RPH3A: variants seen among roughly 807,000 people sequenced by gnomAD.
RPH3A encodes rabphilin-3A.
A neutral mutation model predicts 102.2 loss-of-function variants in RPH3A; 48 were observed. The observed-to-expected ratio is 0.47, with a 90% CI of 0.37 to 0.60. The LOEUF (loss-of-function observed/expected upper bound fraction) is 0.60, where lower values mean the gene tolerates loss of function less well. Among genes scored for constraint, RPH3A ranks in the 20% least tolerant of loss-of-function variants. RPH3A has a pLI of 0.00. For missense variants in RPH3A, 781 were observed against 910.1 expected, an observed-to-expected ratio of 0.86 and a Z score of 1.83; for synonymous variants, 310 against 324.3, an observed-to-expected ratio of 0.96 and a Z score of 0.47.
intron 1 of RPH3A, among the ~76,000 whole-genome samples, chr12:112,713,561 G>T (rs2040495030): frequency 7.8e-6 from 1 of 128,952 alleles, no homozygotes; most frequent in Non-Finnish European, 1.7e-5. Flanking sequence ...CACAAGATTT[G>T]CAGGAAAAAA....
intron 1 of RPH3A, among the ~76,000 whole-genome samples, chr12:112,612,700 G>A (rs758093647): frequency 2.2e-4 from 34 of 151,696 alleles, no homozygotes; most frequent in Non-Finnish European, 4.3e-4. Flanking sequence ...GAGCAGCTGG[G>A]ACTACAGGTG....
intron 1 of RPH3A, among the ~76,000 whole-genome samples, chr12:112,725,796 G>C (rs919247642): frequency 1.3e-5 from 2 of 150,936 alleles, no homozygotes; most frequent in Non-Finnish European, 2.9e-5. Context: ...TGTTGTTGTT[G>C]TTGTTGTTGT....
chr12:112,753,304 C>T (rs1164196104), intron 1 of RPH3A, among the ~76,000 whole-genome samples: 2 of 152,216 alleles, frequency 1.3e-5, no homozygotes, highest in Non-Finnish European at 2.9e-5. Context: ...CAAATCCTAT[C>T]CATTCAATCA....
chr12:112,713,038 T>C lies in RPH3A; in HGVS notation c.-139-79105T>C, dbSNP rs866175901. Among the ~76,000 whole-genome samples, 84 of 82,936 alleles carry C rather than the reference T, an allele frequency of 1.0e-3. 3 individuals are homozygous for C. The highest frequency in any genetic ancestry group is 1.3e-3 in the African/African-American group (21 of 16,590). The allele number at this position is 82,936 out of a possible 152,430, so 54.4% of individuals were successfully genotyped here. On this transcript the variant is annotated intron_variant, in intron 1 of 21. Coordinates refer to the RPH3A transcript ENST00000543106. Reference sequence around the variant, plus strand: ...CTTCCTCTTCCTCTTCTTCTTCTTCTTCTTCTTCTTCTCCTTCTTCTTCTT... The same window carrying C: ...CTTCCTCTTCCTCTTCTTCTTCTTCCTCTTCTTCTTCTCCTTCTTCTTCTT...
Position 112,869,942 on chromosome 12 carries a change from G to A in RPH3A, c.699G>A (p.Val233=). Residue 233 remains valine (V), a synonymous_variant, in exon 10 of 22, where the codon GTG becomes GTA. Transcript: ENST00000389385. ...GGCGAGGAAACTATGGGCCTCCCGT[G>A]CGCAGGGCCTCCGAGGCACGAATGA... is the stretch of plus-strand genomic sequence containing the variant. ...APGRGNYGPP[V]RRASEARMSS... 1 of 1,614,158 alleles carries A rather than the reference G, an allele frequency of 6.2e-7. No homozygotes were observed.
intron 1 of RPH3A, among the ~76,000 whole-genome samples, chr12:112,676,513 A>G (rs757430621): frequency 2.5e-4 from 38 of 152,234 alleles, no homozygotes; most frequent in Non-Finnish European, 5.1e-4. Flanking sequence ...CTTGATTTCA[A>G]AATTGGATTC....
At chr12:112,795,927 A>G (rs1369225555) in intron 2 of RPH3A, among the ~76,000 whole-genome samples, 1 of 152,214 alleles carries the variant, frequency 6.6e-6, no homozygotes, top group African/African-American at 2.4e-5. Context: ...CCCCTGACCA[A>G]AACAAAAGTA....
intron 1 of RPH3A, among the ~76,000 whole-genome samples, chr12:112,591,291 A>G (rs1335197821): frequency 1.3e-5 from 2 of 148,690 alleles, no homozygotes; most frequent in Admixed American, 1.3e-4. Context: ...TTACTATGTT[A>G]CCCAGGCTGG....
chr12:112,870,324 A>AG (rs1231047804), intron 10 of RPH3A, among the ~76,000 whole-genome samples: 3 of 151,744 alleles, frequency 2.0e-5, no homozygotes, highest in Admixed American at 2.0e-4. Context: ...AAAAAAAAAA[A>AG]AAAAACCCTG....
chr12:112,855,542 A>G (rs2042396843), intron 5 of RPH3A, among the ~76,000 whole-genome samples: 1 of 152,198 alleles, frequency 6.6e-6, no homozygotes, highest in Non-Finnish European at 1.5e-5. Flanking sequence ...CAGTCCCTCA[A>G]GGAGACAGAT....
Position 112,681,364 on chromosome 12 carries a change from G to A in RPH3A, c.-140+106045G>A, listed in dbSNP as rs542957897. Among the ~76,000 whole-genome samples the A allele has an allele frequency of 1.3e-5, 2 of 152,316 alleles. 1 individual carries two copies. Among genetic ancestry groups the A allele is most frequent in the African/African-American group, 4.8e-5 (2 of 41,554 alleles). ...ATTCTCACCCAGCAGCCAAGAAGCT[G>A]AAACACACACATCGGATTGCTTTAA... is the stretch of plus-strand genomic sequence containing the variant. On this transcript the variant is annotated intron_variant, in intron 1 of 21. Transcript: ENST00000543106.
chr12:112,616,293 C>T (rs1197668672), intron 1 of RPH3A, among the ~76,000 whole-genome samples: 1 of 152,112 alleles, frequency 6.6e-6, no homozygotes, highest in African/African-American at 2.4e-5. Flanking sequence ...ATTACAGGCA[C>T]CTGCCACCAT....
At chr12:112,863,800 G>A (rs191170704) in intron 5 of RPH3A, among the ~76,000 whole-genome samples, 2 of 152,376 alleles carry the variant, frequency 1.3e-5, no homozygotes, top group Admixed American at 1.3e-4. Flanking sequence ...TGAAGTGTAA[G>A]CTGTTATTAT....
intron 4 of RPH3A, among the ~76,000 whole-genome samples, chr12:112,836,918 A>G (rs2042060930): frequency 6.6e-6 from 1 of 152,238 alleles, no homozygotes; most frequent in Admixed American, 6.5e-5. Flanking sequence ...CTGGATTGTT[A>G]TGTGCTGTAC....
intron 1 of RPH3A, among the ~76,000 whole-genome samples, chr12:112,636,302 T>G (rs930702544): frequency 6.6e-6 from 1 of 152,206 alleles, no homozygotes; most frequent in African/African-American, 2.4e-5. Context: ...TCTACTCACA[T>G]TTTATTGGCC....
intron 1 of RPH3A, among the ~76,000 whole-genome samples, chr12:112,751,046 A>G (rs763073623): frequency 6.6e-6 from 1 of 152,262 alleles, no homozygotes; most frequent in Non-Finnish European, 1.5e-5. Flanking sequence ...TGGTCTCACC[A>G]GTGAGCTGCT....
At chr12:112,834,411 A>G (rs1010041791) in intron 3 of RPH3A, among the ~76,000 whole-genome samples, 1 of 152,238 alleles carries the variant, frequency 6.6e-6, no homozygotes, top group South Asian at 2.1e-4. Context: ...GGCTAGTACA[A>G]ATAAAACTTT....
At chr12:112,741,088 C>T (rs1198582256) in intron 1 of RPH3A, among the ~76,000 whole-genome samples, 1 of 152,144 alleles carries the variant, frequency 6.6e-6, no homozygotes, top group Non-Finnish European at 1.5e-5. Context: ...CATTGCCCAC[C>T]CCCTGCCTCA....
At position 112,868,319 on chromosome 12, in the gene RPH3A, A is replaced by G. The variant is rs575506597; in HGVS notation, c.445-111A>G. ...TAGTAATAATAAAAGTGTGCTGGCT[A>G]TTGTGTCAGTGTGCTTTGGATGAGG... On this transcript the variant is annotated intron_variant, in intron 7 of 21. Transcript: ENST00000389385. 1,048 of 1,055,150 alleles carry G rather than the reference A, an allele frequency of 9.9e-4. 1 individual carries two copies. Among genetic ancestry groups the G allele is most frequent in the Non-Finnish European group, 1.3e-3 (960 of 717,300 alleles). 65.4% of individuals were successfully genotyped at this position (1,055,150 alleles called of 1,614,324 possible).
Sources: allele counts gnomAD v4.1 joint callset (sites outside exome capture counted in the v4.1 genomes callset), GRCh38; gene constraint gnomAD v4.1.1; transcripts MANE v1.5; gene names NCBI Gene and HGNC (gene_info 2026-07-23, HGNC 2026-07-21).